ZBTB20: variants seen among roughly 807,000 people sequenced by gnomAD.
ZBTB20 encodes the protein zinc finger and BTB domain-containing protein 20.
ZBTB20 carries 9 observed loss-of-function variants against 56.9 expected under a neutral mutation model. That is an observed-to-expected ratio of 0.16 (90% CI 0.10 to 0.28). ZBTB20 has a LOEUF of 0.28. Among genes scored for constraint, ZBTB20 ranks in the 10% least tolerant of loss-of-function variants. The pLI is 1.00. For missense variants in ZBTB20, 655 were observed against 1,003.0 expected, an observed-to-expected ratio of 0.65 and a Z score of 4.69; for synonymous variants, 417 against 420.7, an observed-to-expected ratio of 0.99 and a Z score of 0.11.
intron 3 of ZBTB20, among the ~76,000 whole-genome samples, chr3:114,906,069 C>T (rs1234406999): frequency 6.6e-6 from 1 of 151,700 alleles, no homozygotes; most frequent in South Asian, 2.1e-4. Flanking sequence ...CTTTCTTTCC[C>T]ACTAGATTGT....
intron 5 of ZBTB20, among the ~76,000 whole-genome samples, chr3:114,755,592 T>A (rs1403600): frequency 0.014 from 2,206 of 152,226 alleles, 59 homozygotes; most frequent in African/African-American, 0.048. Flanking sequence ...ATTTTTTTTT[T>A]AAATTCCCCC....
chr3:114,771,472 C>G (rs969939398), intron 5 of ZBTB20, among the ~76,000 whole-genome samples: 1 of 152,068 alleles, frequency 6.6e-6, no homozygotes, highest in East Asian at 1.9e-4. Flanking sequence ...CCTGTTTTTA[C>G]TTGGGAAATT....
chr3:115,129,751 T>C (rs182924758), intron 1 of ZBTB20, among the ~76,000 whole-genome samples: 2 of 152,328 alleles, frequency 1.3e-5, no homozygotes, highest in East Asian at 1.9e-4. Context: ...TATTCCTGTC[T>C]CTATACTAGA....
intron 7 of ZBTB20, among the ~76,000 whole-genome samples, chr3:114,428,201 C>A (rs2089851859): frequency 1.3e-5 from 2 of 152,162 alleles, no homozygotes; most frequent in Admixed American, 1.3e-4. Flanking sequence ...TTTACTCTCA[C>A]TTTTACGAAC....
chr3:114,712,419 G>C (rs1220400369), intron 5 of ZBTB20, among the ~76,000 whole-genome samples: 1 of 152,134 alleles, frequency 6.6e-6, no homozygotes, highest in Non-Finnish European at 1.5e-5. Context: ...GGGAGGCTGA[G>C]GCGGGCTGAT....
chr3:115,034,150 T>TA (rs1438326617), intron 2 of ZBTB20, among the ~76,000 whole-genome samples: 1 of 151,452 alleles, frequency 6.6e-6, no homozygotes, highest in African/African-American at 2.4e-5. Context: ...TACTCAAGGG[T>TA]AAAATACTGA....
At chr3:114,979,197 G>C (rs775749140) in intron 2 of ZBTB20, among the ~76,000 whole-genome samples, 20 of 151,990 alleles carry the variant, frequency 1.3e-4, no homozygotes, top group Non-Finnish European at 2.8e-4. Context: ...GAAAACTTAA[G>C]TTGGAGGTTA....
At chr3:115,121,001 G>A (rs1278834592) in intron 1 of ZBTB20, among the ~76,000 whole-genome samples, 1 of 152,074 alleles carries the variant, frequency 6.6e-6, no homozygotes, top group African/African-American at 2.4e-5. Flanking sequence ...TCAACAGGAA[G>A]TGATGACAGC....
intron 6 of ZBTB20, among the ~76,000 whole-genome samples, chr3:114,539,172 T>C (rs1401158651): frequency 2.0e-5 from 3 of 152,162 alleles, no homozygotes; most frequent in African/African-American, 7.2e-5. Flanking sequence ...CTTTAGAAGA[T>C]TATAATTTTG....
At chr3:114,364,387 G>A (rs528658999) in intron 10 of ZBTB20, among the ~76,000 whole-genome samples, 14 of 152,150 alleles carry the variant, frequency 9.2e-5, no homozygotes, top group Non-Finnish European at 1.8e-4. Context: ...GGAGGCGGAG[G>A]TTGCAGTGAG....
chr3:114,835,969 G>T (rs115013147), intron 4 of ZBTB20, among the ~76,000 whole-genome samples: 2 of 152,212 alleles, frequency 1.3e-5, no homozygotes, highest in Admixed American at 1.3e-4. Context: ...TATTCTCACT[G>T]CAGAGTTTCT....
intron 2 of ZBTB20, among the ~76,000 whole-genome samples, chr3:115,056,944 C>T (rs1376994947): frequency 2.0e-5 from 3 of 152,050 alleles, no homozygotes; most frequent in Non-Finnish European, 4.4e-5. Flanking sequence ...TAATGAGAGC[C>T]TCAAGGAGTT....
At chr3:114,413,539 C>T (rs935364790) in intron 7 of ZBTB20, among the ~76,000 whole-genome samples, 2 of 152,120 alleles carry the variant, frequency 1.3e-5, no homozygotes, top group South Asian at 2.1e-4. Flanking sequence ...AGTTTCCTGT[C>T]CCTGTGATCA....
chr3:114,515,298 G>A (rs1002806961), intron 6 of ZBTB20, among the ~76,000 whole-genome samples: 2 of 152,044 alleles, frequency 1.3e-5, no homozygotes, highest in African/African-American at 4.8e-5. Flanking sequence ...GACGCCCATG[G>A]TTGTTAACTT....
At chr3:114,434,018 A>G (rs1277487218) in intron 7 of ZBTB20, among the ~76,000 whole-genome samples, 2 of 152,212 alleles carry the variant, frequency 1.3e-5, no homozygotes, top group African/African-American at 4.8e-5. Context: ...AAAAACATGC[A>G]TGGATAAAAG....
intron 3 of ZBTB20, among the ~76,000 whole-genome samples, chr3:114,970,663 TTCA>T (rs1301056201): frequency 6.6e-6 from 1 of 152,202 alleles, no homozygotes; most frequent in Non-Finnish European, 1.5e-5. Flanking sequence ...CATTAATCTT[TTCA>T]AGCCAATAAG....
intron 5 of ZBTB20, among the ~76,000 whole-genome samples, chr3:114,753,714 G>A (rs961999156): frequency 3.3e-5 from 5 of 151,870 alleles, no homozygotes; most frequent in South Asian, 2.1e-4. Flanking sequence ...GATTACAGGC[G>A]TGAGCTACCA....
At chr3:114,803,482 G>T (rs182772756) in intron 4 of ZBTB20, among the ~76,000 whole-genome samples, 1 of 151,790 alleles carries the variant, frequency 6.6e-6, no homozygotes, top group African/African-American at 2.4e-5. Context: ...CTTACTTTGC[G>T]CCAGGACTCA....
chr3:114,994,838 T>C (rs1008014265), intron 2 of ZBTB20, among the ~76,000 whole-genome samples: 2 of 151,822 alleles, frequency 1.3e-5, no homozygotes, highest in South Asian at 2.1e-4. Context: ...AATCCCACGC[T>C]AAAACTGAAC....
Sources: gnomAD v4.1 joint callset for allele counts (sites outside exome capture counted in the v4.1 genomes callset) on GRCh38, gnomAD v4.1.1 for gene constraint, MANE v1.5 for transcripts, NCBI Gene and HGNC (gene_info 2026-07-23, HGNC 2026-07-21) for gene names.